PPP1R9A: variants seen among roughly 807,000 people sequenced by gnomAD.
The protein encoded by PPP1R9A is protein phosphatase 1 regulatory subunit 9A.
A neutral mutation model predicts 141.9 loss-of-function variants in PPP1R9A; 59 were observed. The observed-to-expected ratio is 0.42, with a 90% CI of 0.34 to 0.52. The LOEUF is 0.52. PPP1R9A is among the 20% of genes least tolerant of loss of function. The pLI is 0.10. For missense variants in PPP1R9A, 1,444 were observed against 1,611.9 expected, an observed-to-expected ratio of 0.90 and a Z score of 1.78; for synonymous variants, 500 against 569.7, an observed-to-expected ratio of 0.88 and a Z score of 1.74.
At chr7:95,032,282 G>A (rs375093761) in intron 2 of PPP1R9A, among the ~76,000 whole-genome samples, 12 of 152,168 alleles carry the variant, frequency 7.9e-5, no homozygotes, top group Admixed American at 2.6e-4. Flanking sequence ...GTTCATGGAC[G>A]ATTTCTCAAA....
At chr7:95,167,957 A>G (rs1831527466) in intron 5 of PPP1R9A, among the ~76,000 whole-genome samples, 2 of 152,320 alleles carry the variant, frequency 1.3e-5, no homozygotes, top group Middle Eastern at 3.4e-3. Context: ...CGTTGTTAAA[A>G]TGACCACACT....
intron 2 of PPP1R9A, among the ~76,000 whole-genome samples, chr7:95,069,544 T>C (rs1584520225): frequency 6.6e-6 from 1 of 151,748 alleles, no homozygotes. Flanking sequence ...CCAGTGGAGG[T>C]TATGTATATA....
chr7:95,244,201 T>C (rs542434874), intron 8 of PPP1R9A, among the ~76,000 whole-genome samples: 8 of 152,214 alleles, frequency 5.3e-5, no homozygotes, highest in Admixed American at 1.3e-4. Flanking sequence ...TGCGCAGTTG[T>C]TCTCACCTCA....
chr7:95,102,433 G>A (rs1231257780), intron 2 of PPP1R9A, among the ~76,000 whole-genome samples: 2 of 152,242 alleles, frequency 1.3e-5, no homozygotes, highest in African/African-American at 4.8e-5. Context: ...TCAGAGTCGC[G>A]ATTGACCCTA....
At chr7:94,964,063 A>G (rs181281425) in intron 2 of PPP1R9A, among the ~76,000 whole-genome samples, 3 of 152,246 alleles carry the variant, frequency 2.0e-5, no homozygotes, top group East Asian at 3.9e-4. Flanking sequence ...TGTGTTCTGA[A>G]TGCAACTTGT....
chr7:95,173,921 A>G (rs145427464), intron 5 of PPP1R9A, among the ~76,000 whole-genome samples: 1 of 152,064 alleles, frequency 6.6e-6, no homozygotes, highest in Admixed American at 6.6e-5. Flanking sequence ...GCTGATCGGA[A>G]TGCAAAATAG....
At chr7:94,911,626 T>C in intron 2 of PPP1R9A, 118 bp downstream of exon 2, 1 of 743,096 alleles carries the variant, frequency 1.3e-6, no homozygotes, top group Non-Finnish European at 2.1e-6. Context: ...AGATTGTTGA[T>C]ACCTTTAAAA....
At chr7:95,187,397 A>G (rs1043076377) in intron 5 of PPP1R9A, among the ~76,000 whole-genome samples, 1 of 151,366 alleles carries the variant, frequency 6.6e-6, no homozygotes, top group African/African-American at 2.4e-5. Flanking sequence ...TTATTCGGAT[A>G]TTTTCTCTTC....
Position 95,240,039 on chromosome 7 carries a change from A to T in PPP1R9A, c.2113-7434A>T, listed in dbSNP as rs1282345637. On this transcript the variant is annotated intron_variant, in intron 8 of 19. Transcript: ENST00000433360. ...ATTCCTTTTAAAGAATAATTTCTTC[A>T]TTCTTATATTCTGAATTTTTTCTCA... Among the ~76,000 whole-genome samples, 6 of 152,156 alleles carry T rather than the reference A, an allele frequency of 3.9e-5. No homozygotes were observed. The East Asian group carries it at 1.2e-3, about 29-fold the overall frequency.
chr7:94,973,721 C>CTTTT (rs200492667), intron 2 of PPP1R9A, among the ~76,000 whole-genome samples: 3 of 137,182 alleles, frequency 2.2e-5, no homozygotes, highest in African/African-American at 2.7e-5. Flanking sequence ...TTCTTTCTTT[C>CTTTT]TTTTTTTTTT....
intron 8 of PPP1R9A, among the ~76,000 whole-genome samples, chr7:95,232,651 A>G (rs1796130946): frequency 6.6e-6 from 1 of 152,234 alleles, no homozygotes; most frequent in Non-Finnish European, 1.5e-5. Context: ...TCCAGAATCT[A>G]CAAGGAACTT....
intron 4 of PPP1R9A, among the ~76,000 whole-genome samples, chr7:95,128,829 C>T (rs990910720): frequency 6.6e-6 from 1 of 152,322 alleles, no homozygotes. Context: ...CCACCCGCCT[C>T]GGCCTCCCAA....
chr7:95,050,925 A>G (rs1810708189), intron 2 of PPP1R9A, among the ~76,000 whole-genome samples: 1 of 152,230 alleles, frequency 6.6e-6, no homozygotes. Flanking sequence ...GGGTCCCATC[A>G]GTGCCAAACT....
intron 2 of PPP1R9A, among the ~76,000 whole-genome samples, chr7:95,102,559 T>C (rs1295069558): frequency 6.6e-6 from 1 of 152,232 alleles, no homozygotes; most frequent in Admixed American, 6.5e-5. Flanking sequence ...CAAGTTCTCA[T>C]TGACCGCTGC....
intron 3 of PPP1R9A, among the ~76,000 whole-genome samples, chr7:95,114,859 C>T (rs559395085): frequency 2.3e-4 from 33 of 142,286 alleles, no homozygotes; most frequent in Non-Finnish European, 3.9e-4. Context: ...CCCAAACCAT[C>T]GTGGAAAGGA....
intron 2 of PPP1R9A, among the ~76,000 whole-genome samples, chr7:94,982,754 A>AT (rs1471439493): frequency 2.0e-5 from 3 of 151,884 alleles, no homozygotes; most frequent in Non-Finnish European, 2.9e-5. Flanking sequence ...GATTGCAAAA[A>AT]TTTTCTCCCA....
intron 12 of PPP1R9A, among the ~76,000 whole-genome samples, chr7:95,266,630 A>T (rs1467072606): frequency 1.3e-5 from 2 of 152,116 alleles, no homozygotes. Flanking sequence ...GAGAAAAAAA[A>T]TACTTGATTG....
At chr7:95,147,370 GCTTACCAGCTTAAGGAGTTTTTGGA>G (rs1366958715) in intron 4 of PPP1R9A, among the ~76,000 whole-genome samples, 7 of 152,270 alleles carry the variant, frequency 4.6e-5, no homozygotes, top group African/African-American at 1.7e-4. Flanking sequence ...TGCTGAAGTT[GCTTACCAGCTTAAGGAGTTTTTGGA>G]CTGAGATGAT....
In PPP1R9A at chr7:94,911,411, A is replaced by G. The variant is rs201911346; in HGVS notation, c.1298A>G (p.Tyr433Cys). ...EEEDSDENSY[Y>C]QPDMEYSEIV... The stretch of plus-strand genomic sequence containing the variant: ...GAAGATAGTGATGAGAACAGTTACT[A>G]TCAGCCTGATATGGAGTACTCGGAA... The change falls in exon 2 of 20, where the codon TAT becomes TGT. Residue 433 changes from tyrosine to cysteine, a missense_variant. Physicochemically the swap from Tyr to Cys is radical, Grantham distance 194. This residue lies in a region of PPP1R9A where 490 missense variants were observed against 521.1 expected (regional missense o/e 0.94). Transcript: ENST00000433360. 1.2e-5 allele frequency: 20 copies of G among 1,613,386 alleles called. No individual in the cohort carries two copies. The East Asian group carries it at 3.8e-4, about 31-fold the overall frequency.
Sources: allele counts gnomAD v4.1 joint callset (sites outside exome capture counted in the v4.1 genomes callset), GRCh38; gene constraint gnomAD v4.1.1; regional missense constraint gnomAD v4.1.1; transcripts MANE v1.5; gene names NCBI Gene and HGNC (gene_info 2026-07-23, HGNC 2026-07-21).